APBA2: variants seen among roughly 807,000 people sequenced by gnomAD.
APBA2 encodes amyloid beta precursor protein binding family A member 2.
Under a neutral mutation model 75.0 loss-of-function variants are expected in APBA2, and 30 were observed. That is an observed-to-expected ratio of 0.40 (90% CI 0.30 to 0.54). APBA2 has a LOEUF of 0.54. Among genes scored for constraint, APBA2 ranks in the 20% least tolerant of loss-of-function variants. The pLI is 0.49. For missense variants in APBA2, 801 were observed against 1,016.1 expected (o/e 0.79, Z 2.88); for synonymous variants, 444 against 409.6 (o/e 1.08, Z -1.01).
At chr15:28,927,668 C>A (rs1395985050) in intron 2 of APBA2, among the ~76,000 whole-genome samples, 1 of 151,496 alleles carries the variant, frequency 6.6e-6, no homozygotes, top group South Asian at 2.1e-4. Context: ...CTCAGGTGAT[C>A]CCCCCGCCTC....
At chr15:29,011,034 G>A (rs1056364784) in intron 3 of APBA2, among the ~76,000 whole-genome samples, 3 of 152,110 alleles carry the variant, frequency 2.0e-5, no homozygotes, top group Admixed American at 2.0e-4. Context: ...CAGCCTCTGG[G>A]AGCCACCATT....
At chr15:28,992,761 G>A (rs2038302354) in intron 2 of APBA2, among the ~76,000 whole-genome samples, 1 of 152,188 alleles carries the variant, frequency 6.6e-6, no homozygotes, top group South Asian at 2.1e-4. Flanking sequence ...CCTTGTATTT[G>A]TGTGTCCCTC....
intron 3 of APBA2, among the ~76,000 whole-genome samples, chr15:29,037,275 G>T (rs1387742020): frequency 6.6e-6 from 1 of 152,052 alleles, no homozygotes; most frequent in Admixed American, 6.6e-5. Flanking sequence ...ACCCGTCTTG[G>T]TAGCTCCAAA....
chr15:28,949,285 C>G (rs968548615), intron 2 of APBA2, among the ~76,000 whole-genome samples: 3 of 152,098 alleles, frequency 2.0e-5, no homozygotes, highest in African/African-American at 4.8e-5. Context: ...GGAATACTTG[C>G]AAGGAGCAGA....
intron 4 of APBA2, among the ~76,000 whole-genome samples, chr15:29,072,279 C>A (rs989727783): frequency 1.3e-5 from 2 of 152,148 alleles, no homozygotes; most frequent in Non-Finnish European, 1.5e-5. Context: ...GAACCCAAGT[C>A]CATGCAGAAG....
At chr15:29,108,413 G>GCCA (rs1183168419) in intron 13 of APBA2, 24 bp downstream of exon 13, 1 of 1,613,746 alleles carries the variant, frequency 6.2e-7, no homozygotes, top group Non-Finnish European at 8.5e-7. Context: ...CCTGCTCTGG[G>GCCA]CCACCACCAC....
chr15:28,968,099 TAGTA>T (rs1354755114), intron 2 of APBA2, among the ~76,000 whole-genome samples: 3 of 152,254 alleles, frequency 2.0e-5, no homozygotes, highest in Non-Finnish European at 2.9e-5. Context: ...CGCAACGTTG[TAGTA>T]AGTGTCAGAA....
intron 3 of APBA2, among the ~76,000 whole-genome samples, chr15:29,014,963 C>T (rs115669047): frequency 6.6e-6 from 1 of 152,130 alleles, no homozygotes; most frequent in Non-Finnish European, 1.5e-5. Flanking sequence ...GAAGGCGACT[C>T]CATTTCTGTA....
chr15:28,922,499 C>A (rs55817275), intron 2 of APBA2, among the ~76,000 whole-genome samples: 1 of 151,860 alleles, frequency 6.6e-6, no homozygotes, highest in Non-Finnish European at 1.5e-5. Context: ...TACAGCCAGC[C>A]ATTGTCCCGC....
At chr15:28,924,312 C>T (rs997369148) in intron 2 of APBA2, among the ~76,000 whole-genome samples, 1 of 152,044 alleles carries the variant, frequency 6.6e-6, no homozygotes, top group African/African-American at 2.4e-5. Context: ...GTGTGTAATT[C>T]AGTAACATGT....
chr15:28,941,646 A>G (rs1277752200), intron 2 of APBA2, among the ~76,000 whole-genome samples: 1 of 152,202 alleles, frequency 6.6e-6, no homozygotes, highest in Admixed American at 6.5e-5. Context: ...GGATGTGGTC[A>G]GGGGCACACA....
intron 3 of APBA2, among the ~76,000 whole-genome samples, chr15:29,002,951 G>A (rs191722828): frequency 1.3e-5 from 2 of 152,206 alleles, no homozygotes; most frequent in Admixed American, 6.5e-5. Flanking sequence ...GGGGGAAGAC[G>A]GGCGTTCCAG....
intron 3 of APBA2, among the ~76,000 whole-genome samples, chr15:29,008,988 C>G (rs1421393234): frequency 1.3e-5 from 2 of 152,212 alleles, no homozygotes; most frequent in Non-Finnish European, 2.9e-5. Flanking sequence ...GAGAAGCCGG[C>G]AGGCTCTTCC....
intron 3 of APBA2, among the ~76,000 whole-genome samples, chr15:29,044,134 C>G (rs2041187509): frequency 6.6e-6 from 1 of 152,186 alleles, no homozygotes; most frequent in Non-Finnish European, 1.5e-5. Flanking sequence ...CGTTTTCACC[C>G]AGCCTGTATT....
intron 2 of APBA2, among the ~76,000 whole-genome samples, chr15:28,990,160 G>A (rs2152781974): frequency 6.6e-6 from 1 of 152,232 alleles, no homozygotes; most frequent in East Asian, 1.9e-4. Context: ...GGGCGCGGTG[G>A]GCACTTTGGG....
chr15:29,051,885 T>C (rs1169047996), intron 3 of APBA2, among the ~76,000 whole-genome samples: 2 of 152,172 alleles, frequency 1.3e-5, no homozygotes, highest in Non-Finnish European at 2.9e-5. Flanking sequence ...CCCAGATCCC[T>C]TTGCTTCTGC....
intron 3 of APBA2, among the ~76,000 whole-genome samples, chr15:29,037,910 G>A (rs57848731): frequency 0.26 from 38,810 of 152,034 alleles, 8,026 homozygotes; most frequent in African/African-American, 0.57. Flanking sequence ...CATTCCTGAC[G>A]GCAGAGTCCT....
intron 2 of APBA2, among the ~76,000 whole-genome samples, chr15:28,951,541 A>G (rs1438111144): frequency 6.6e-6 from 1 of 152,166 alleles, no homozygotes; most frequent in Non-Finnish European, 1.5e-5. Context: ...GGAAATATGC[A>G]TGTATGCTAA....
chr15:28,977,625 C>T (rs2037407287), intron 2 of APBA2, among the ~76,000 whole-genome samples: 1 of 152,120 alleles, frequency 6.6e-6, no homozygotes, highest in African/African-American at 2.4e-5. Context: ...CCTGGTGCTG[C>T]TTCCAGTTCC....
Sources: allele counts gnomAD v4.1 joint callset (sites outside exome capture counted in the v4.1 genomes callset), GRCh38; gene constraint gnomAD v4.1.1; transcripts MANE v1.5; gene names NCBI Gene and HGNC (gene_info 2026-07-23, HGNC 2026-07-21).